Variants in PTPRN2 observed in about 807,000 individuals in gnomAD.
PTPRN2 encodes the protein receptor-type tyrosine-protein phosphatase N2.
In PTPRN2, 74 loss-of-function variants were observed where a neutral mutation model predicts 118.8. The observed-to-expected ratio is 0.62, with a 90% confidence interval of 0.52 to 0.76. The LOEUF is 0.76. PTPRN2 is among the 30% of genes least tolerant of loss of function. PTPRN2 has a pLI of 0.00. For synonymous variants in PTPRN2, 641 were observed against 608.0 expected, an observed-to-expected ratio of 1.05 and a Z score of -0.80; for missense variants, 1,481 against 1,394.4, an observed-to-expected ratio of 1.06 and a Z score of -0.99.
intron 3 of PTPRN2, among the ~76,000 whole-genome samples, chr7:158,316,467 C>T (rs1802330208): frequency 6.6e-6 from 1 of 152,192 alleles, no homozygotes; most frequent in Admixed American, 6.5e-5. Flanking sequence ...CAGTGACAGG[C>T]AGAGGCTGAT....
At chr7:158,471,015 A>C (rs904882673) in intron 2 of PTPRN2, among the ~76,000 whole-genome samples, 1 of 151,990 alleles carries the variant, frequency 6.6e-6, no homozygotes, top group Non-Finnish European at 1.5e-5. Context: ...GTATTTTTAT[A>C]TTTTTAGTGG....
intron 21 of PTPRN2, among the ~76,000 whole-genome samples, chr7:157,555,866 G>C (rs1798850091): frequency 6.6e-6 from 1 of 152,198 alleles, no homozygotes; most frequent in Non-Finnish European, 1.5e-5. Context: ...ATCCAGATAA[G>C]GAACGAAGTG....
intron 6 of PTPRN2, among the ~76,000 whole-genome samples, chr7:158,145,293 C>A (rs191619767): frequency 1.4e-3 from 206 of 150,018 alleles, no homozygotes; most frequent in Non-Finnish European, 1.9e-3. Context: ...TTCCAGAATA[C>A]CACAGCTTGG....
intron 2 of PTPRN2, among the ~76,000 whole-genome samples, chr7:158,462,069 TCCGCCCACGCC>T (rs1285236025): frequency 1.0e-5 from 1 of 96,668 alleles, no homozygotes; most frequent in African/African-American, 3.5e-5. Flanking sequence ...CCCCTGTGCT[TCCGCCCACGCC>T]CTGTGCTGCT....
chr7:157,594,139 C>T (rs185526434), intron 17 of PTPRN2, among the ~76,000 whole-genome samples: 8 of 152,300 alleles, frequency 5.3e-5, no homozygotes, highest in South Asian at 2.1e-4. Context: ...CGGAGGCCCT[C>T]GGAAACCCGG....
At chr7:158,572,910 T>C (rs142982292) in intron 1 of PTPRN2, among the ~76,000 whole-genome samples, 1 of 152,360 alleles carries the variant, frequency 6.6e-6, no homozygotes, top group East Asian at 1.9e-4. Flanking sequence ...CTTGCAAGTA[T>C]GAGTTTATAC....
intron 6 of PTPRN2, 125 bp downstream of exon 6, chr7:158,166,806 A>C (rs1823046970): frequency 8.1e-7 from 1 of 1,232,756 alleles, no homozygotes. Flanking sequence ...CATTCCTGCC[A>C]CGCGTCCTCG....
At chr7:157,810,977 C>T (rs527593492) in intron 12 of PTPRN2, among the ~76,000 whole-genome samples, 8 of 152,166 alleles carry the variant, frequency 5.3e-5, no homozygotes, top group Admixed American at 3.9e-4. Flanking sequence ...CTTAAAAACT[C>T]GTGGATTTTT....
chr7:157,992,429 G>A (rs1310846136), intron 11 of PTPRN2, among the ~76,000 whole-genome samples: 2 of 152,212 alleles, frequency 1.3e-5, no homozygotes, highest in African/African-American at 2.4e-5. Flanking sequence ...TGGCAGGTTG[G>A]GGGACCGGCC....
chr7:157,798,785 G>T (rs962382164), intron 12 of PTPRN2, among the ~76,000 whole-genome samples: 1 of 142,206 alleles, frequency 7.0e-6, no homozygotes, highest in Non-Finnish European at 1.5e-5. Flanking sequence ...ACATTGAACC[G>T]TTGATATTTA....
chr7:158,248,843 TACATGC>T (rs1796439900), intron 3 of PTPRN2, among the ~76,000 whole-genome samples: 1 of 12,652 alleles, frequency 7.9e-5, no homozygotes, highest in Admixed American at 9.5e-4. Flanking sequence ...CCACGTCACA[TACATGC>T]ACATACACAT....
intron 11 of PTPRN2, among the ~76,000 whole-genome samples, chr7:157,927,662 C>CGA (rs1799105602): frequency 1.3e-5 from 2 of 151,744 alleles, no homozygotes; most frequent in African/African-American, 4.8e-5. Context: ...GCAGAGGCCT[C>CGA]ATGTCTGCTG....
chr7:158,070,790 TG>T (rs1157767139), intron 11 of PTPRN2, among the ~76,000 whole-genome samples: 10 of 117,824 alleles, frequency 8.5e-5, no homozygotes, highest in Admixed American at 8.3e-4. Flanking sequence ...GTGCCCGTGG[TG>T]GTGGAGGTGC....
At chr7:157,730,073 T>C (rs1308583113) in intron 12 of PTPRN2, among the ~76,000 whole-genome samples, 1 of 152,138 alleles carries the variant, frequency 6.6e-6, no homozygotes, top group South Asian at 2.1e-4. Context: ...TATGGGCTTA[T>C]AGGGTAAAGT....
chr7:157,636,350 C>T (rs754513048), intron 14 of PTPRN2, among the ~76,000 whole-genome samples: 1 of 152,146 alleles, frequency 6.6e-6, no homozygotes, highest in African/African-American at 2.4e-5. Flanking sequence ...AGACCACCTG[C>T]CTTTACCAAA....
At chr7:157,867,889 G>A (rs748742329) in intron 12 of PTPRN2, among the ~76,000 whole-genome samples, 3 of 152,174 alleles carry the variant, frequency 2.0e-5, no homozygotes, top group Non-Finnish European at 2.9e-5. Flanking sequence ...GGCCGCAGGC[G>A]TGGTGGAGGT....
intron 3 of PTPRN2, among the ~76,000 whole-genome samples, chr7:158,216,419 G>A (rs1183049868): frequency 1.3e-5 from 2 of 151,730 alleles, no homozygotes; most frequent in African/African-American, 4.8e-5. Flanking sequence ...TGAAAACACT[G>A]GCTGAGTGGG....
rs118191307 is a variant in PTPRN2, at chr7:157,889,387, C to T, written c.1788+9286G>A. Among the ~76,000 whole-genome samples, 615 of 152,288 alleles carry T rather than the reference C, an allele frequency of 4.0e-3. 1 individual carries two copies. The highest frequency in any genetic ancestry group is 6.4e-3 in the Non-Finnish European group (436 of 68,024). ...TTTTAAAAGACTCCATTCCTGATAT[C>T]CACCAAGTGCCTGAAACTGCTCTTC... is the stretch of plus-strand genomic sequence containing the variant. On this transcript the variant is annotated intron_variant, in intron 12 of 22. Coordinates refer to ENST00000389418, the MANE Select transcript of PTPRN2 (RefSeq NM_002847.5).
At chr7:158,418,495 C>G (rs1360128466) in intron 2 of PTPRN2, among the ~76,000 whole-genome samples, 1 of 150,360 alleles carries the variant, frequency 6.7e-6, no homozygotes, top group Non-Finnish European at 1.5e-5. Context: ...CATGCTCTAG[C>G]TCTCCGTGTC....
Sources: gnomAD v4.1 joint callset for allele counts (sites outside exome capture counted in the v4.1 genomes callset) on GRCh38, gnomAD v4.1.1 for gene constraint, MANE v1.5 for transcripts, NCBI Gene and HGNC (gene_info 2026-07-23, HGNC 2026-07-21) for gene names.